Variants in RSPH3 observed in about 807,000 individuals in gnomAD.
The protein encoded by RSPH3 is radial spoke head 3.
In RSPH3, 21 loss-of-function variants were observed where a neutral mutation model predicts 43.8. The observed-to-expected ratio is 0.48, with a 90% CI of 0.34 to 0.69. RSPH3 has a LOEUF of 0.69. RSPH3 is among the 30% of genes least tolerant of loss of function. The pLI is 0.01. For synonymous variants in RSPH3, 173 were observed against 179.8 expected (o/e 0.96, Z 0.30); for missense variants, 487 against 516.0 (o/e 0.94, Z 0.54).
At position 158,982,638 on chromosome 6, in the gene RSPH3, C is replaced by G; in HGVS notation, c.543G>C (p.Gly181=). 1 of 1,613,692 alleles carries G rather than the reference C, an allele frequency of 6.2e-7. No individual in the cohort carries two copies. Among genetic ancestry groups the G allele is most frequent in the South Asian group, 1.1e-5 (1 of 91,064 alleles). ...CCAGAAGAGACTGCTCAATTGTCTT[C>G]CCCACCAAAACTTCTAACACTGGTT... ...EVKPVLEVLV[G]KTIEQSLLEV... is the part of the protein sequence containing the mutation. Residue 181 remains glycine (G), a synonymous_variant, in exon 5 of 8, where the codon GGG becomes GGC. Coordinates refer to ENST00000367069, the MANE Select transcript of RSPH3 (RefSeq NM_031924.8).
At position 158,999,860 on chromosome 6, in the gene RSPH3, T is replaced by G. The variant is rs372470923; in HGVS notation, c.-310A>C. 7 of 1,613,668 alleles carry G rather than the reference T, an allele frequency of 4.3e-6. No homozygotes were observed. In the African/African-American group the frequency reaches 8.0e-5, roughly 18 times the overall value. ...GGTCCCCAGGTTTCCCGGGAAGGACTGCGGCACAAGGGACTTCCGGCTCTT... is the reference window on the plus strand; with the variant it reads ...GGTCCCCAGGTTTCCCGGGAAGGACGGCGGCACAAGGGACTTCCGGCTCTT... On this transcript the variant is annotated 5_prime_UTR_variant, in exon 1 of 8. Transcript: ENST00000367069.
chr6:158,987,528 T>C (rs561157875), intron 2 of RSPH3, among the ~76,000 whole-genome samples: 1 of 152,376 alleles, frequency 6.6e-6, no homozygotes, highest in South Asian at 2.1e-4. Flanking sequence ...GGTTGTTTTG[T>C]ATCTCCTTCC....
intron 2 of RSPH3, among the ~76,000 whole-genome samples, 183 bp downstream of exon 2, chr6:158,993,656 C>T (rs934859893): frequency 6.6e-6 from 1 of 152,116 alleles, no homozygotes; most frequent in Non-Finnish European, 1.5e-5. Context: ...CATCCCCCAG[C>T]TCCTGGAAAC....
In RSPH3 at chr6:158,999,510, C is replaced by A; in HGVS notation, c.41G>T (p.Ser14Ile). ...GGGCCGGCTGGTGTAGGTGTAGGTG[C>A]TCGGGGCCCGAGAGGTGCGATCAGT... ...ALTDRTSRAPSTYTYTSRPRA... is the reference protein window; with the variant it reads ...ALTDRTSRAPITYTYTSRPRA... The change falls in exon 1 of 8, where the codon AGC (serine) becomes ATC (isoleucine). Residue 14 changes from serine to isoleucine, a missense_variant. Coordinates refer to ENST00000367069, the MANE Select transcript of RSPH3 (RefSeq NM_031924.8). 1 of 1,528,054 alleles carries A rather than the reference C, an allele frequency of 6.5e-7. No homozygotes were observed. Among genetic ancestry groups the A allele is most frequent in the Admixed American group, 1.9e-5 (1 of 53,452 alleles). The allele number at this position is 1,528,054 out of a possible 1,614,324, so 94.7% of individuals were successfully genotyped here. A position where few individuals can be genotyped will look rare whatever the true frequency, so the allele number is the denominator to read the frequency against.
chr6:158,972,773 A>G (rs1371046848), downstream of RSPH3: 1 of 152,230 alleles, frequency 6.6e-6, no homozygotes, highest in African/African-American at 2.4e-5. Context: ...AAACTCTTTA[A>G]CACTTGATTA....
At chr6:158,966,329 G>A in the RSPH3 span, among the ~76,000 whole-genome samples, 2 of 152,020 alleles carry the variant, frequency 1.3e-5, no homozygotes, top group Non-Finnish European at 2.9e-5. Flanking sequence ...CTGGTATTAG[G>A]GTAAACTGGT....
Position 158,999,726 on chromosome 6 carries a change from G to A in RSPH3, c.-176C>T, listed in dbSNP as rs764512343. ...CGGGAGGTTACCAGCGCAGGAGGTG[G>A]GAGCTATACTGGGCTCGCTCCCAGC... On this transcript the variant is annotated 5_prime_UTR_variant, in exon 1 of 8. Coordinates refer to ENST00000367069, the MANE Select transcript of RSPH3 (RefSeq NM_031924.8). 1.2e-5 allele frequency: 20 copies of A among 1,613,092 alleles called. 1 individual carries two copies. In the South Asian group the frequency reaches 2.0e-4, roughly 16 times the overall value.
chr6:158,982,357 C>G, intron 5 of RSPH3, 128 bp downstream of exon 5: 1 of 617,178 alleles, frequency 1.6e-6, no homozygotes, highest in South Asian at 2.5e-5. Context: ...AGCAAAAATA[C>G]TATAGATCTT....
In RSPH3 at chr6:159,000,198, G is replaced by C. The variant is rs1442481680; in HGVS notation, c.-648C>G. The C allele has an allele frequency of 2.1e-5, 11 of 527,042 alleles. No individual in the cohort carries two copies. Among genetic ancestry groups the C allele is most frequent in the Non-Finnish European group, 3.0e-5 (9 of 304,696 alleles). 32.6% of individuals were successfully genotyped at this position (527,042 alleles called of 1,614,324 possible). A position where few individuals can be genotyped will look rare whatever the true frequency, so the allele number is the denominator to read the frequency against. On this transcript the variant is annotated 5_prime_UTR_variant, in exon 1 of 8. Transcript: ENST00000367069. ...CCAGCTCTGTTACGTGCCCGGGCGG[G>C]GAAGAGCTTCCTGGTGTCTCCCGGC...
chr6:158,983,778 T>A lies in RSPH3; in HGVS notation c.376A>T (p.Ile126Leu). 1.9e-6 allele frequency: 3 copies of A among 1,604,124 alleles called. No homozygotes were observed. The highest frequency in any genetic ancestry group is 2.6e-6 in the Non-Finnish European group (3 of 1,171,018). ...ELYLEEIADR[I>L]IEVDMECQTD... ...TGGCATTCCATATCAACTTCTATTA[T>A]GCGATCAGCAATTTCTTCAAGGTAT... The change falls in exon 4 of 8, where the codon ATA becomes TTA. Residue 126 changes from isoleucine to leucine, a missense_variant. By Grantham distance (5) the Ile-to-Leu change is conservative. Coordinates refer to ENST00000367069, the MANE Select transcript of RSPH3 (RefSeq NM_031924.8).
chr6:158,984,538 G>A (rs2128607347), intron 3 of RSPH3, among the ~76,000 whole-genome samples: 1 of 143,694 alleles, frequency 7.0e-6, no homozygotes, highest in East Asian at 2.1e-4. Flanking sequence ...AAAAAATCAT[G>A]TACCAAGTCA....
At chr6:158,985,977 C>A (rs1473921422) in intron 3 of RSPH3, among the ~76,000 whole-genome samples, 1 of 151,924 alleles carries the variant, frequency 6.6e-6, no homozygotes, top group Non-Finnish European at 1.5e-5. Flanking sequence ...CCATGCCCAG[C>A]TAATTTTTGT....
intron 2 of RSPH3, among the ~76,000 whole-genome samples, chr6:158,990,115 C>T (rs1473698378): frequency 1.3e-5 from 2 of 152,124 alleles, no homozygotes; most frequent in Non-Finnish European, 2.9e-5. Flanking sequence ...TCTCCTTGCT[C>T]CTCAGCCTGC....
intron 1 of RSPH3, among the ~76,000 whole-genome samples, chr6:158,994,624 C>T (rs1778530961): frequency 6.6e-6 from 1 of 151,038 alleles, no homozygotes; most frequent in South Asian, 2.1e-4. Flanking sequence ...GAACTCCAGC[C>T]TAGGAGACAG....
rs377436847 is a variant in RSPH3 at position 158,999,863 on chromosome 6, G to C, written c.-313C>G. 9.3e-6 allele frequency: 15 copies of C among 1,613,716 alleles called. No individual in the cohort carries two copies. Among genetic ancestry groups the C allele is most frequent in the Non-Finnish European group, 1.1e-5 (13 of 1,179,970 alleles). On this transcript the variant is annotated 5_prime_UTR_variant, in exon 1 of 8. Transcript: ENST00000367069. ...CCCCAGGTTTCCCGGGAAGGACTGC[G>C]GCACAAGGGACTTCCGGCTCTTGAC...
chr6:158,981,920 A>G (rs1303320101), intron 5 of RSPH3, among the ~76,000 whole-genome samples: 1 of 152,162 alleles, frequency 6.6e-6, no homozygotes, highest in Non-Finnish European at 1.5e-5. Context: ...TGGCACATGT[A>G]AAAAAACTGG....
chr6:158,986,355 T>C lies in RSPH3; in HGVS notation c.271A>G (p.Lys91Glu). 2 of 1,614,160 alleles carry C rather than the reference T, an allele frequency of 1.2e-6. No individual in the cohort carries two copies. Among genetic ancestry groups the C allele is most frequent in the Non-Finnish European group, 1.7e-6 (2 of 1,179,980 alleles). ...GGTCTGAGCTGCTCTTGGGCTTGTT[T>C]TCTGGCAAGAGCCCTCTTCCTAGCC... ...REARKRALAR[K>E]QAQEQLRPQT... Residue 91 changes from lysine (K) to glutamate (E), a missense_variant, in exon 3 of 8, where the codon AAA (lysine) becomes GAA (glutamate). Lys to Glu is a moderately conservative substitution (Grantham distance 56). Transcript: ENST00000367069.
downstream of RSPH3, among the ~76,000 whole-genome samples, chr6:158,971,399 C>T (rs947748385): frequency 6.6e-5 from 10 of 152,154 alleles, no homozygotes; most frequent in Non-Finnish European, 2.9e-5. Context: ...TATGGAGGAA[C>T]AGATTTTCAG....
chr6:158,996,948 C>A (rs1778615388), intron 1 of RSPH3, among the ~76,000 whole-genome samples: 1 of 152,152 alleles, frequency 6.6e-6, no homozygotes, highest in African/African-American at 2.4e-5. Context: ...CCAGTTCTCG[C>A]AGTAGTGAGG....
Sources: gnomAD v4.1 joint callset for allele counts (sites outside exome capture counted in the v4.1 genomes callset) on GRCh38, gnomAD v4.1.1 for gene constraint, MANE v1.5 for transcripts, NCBI Gene and HGNC (gene_info 2026-07-23, HGNC 2026-07-21) for gene names.